Variants in ULK4 observed in about 807,000 individuals in gnomAD.
The protein encoded by ULK4 is inactive serine/threonine-protein kinase ULK4.
ULK4 carries 133 observed loss-of-function variants against 160.6 expected under a neutral mutation model. The observed-to-expected ratio is 0.83, with a 90% CI of 0.72 to 0.96. ULK4 has a LOEUF of 0.96. ULK4 is among the 40% of genes least tolerant of loss of function. ULK4 has a pLI of 0.00. For synonymous variants in ULK4, 534 were observed against 539.8 expected (o/e 0.99, Z 0.15); for missense variants, 1,580 against 1,499.5 (o/e 1.05, Z -0.89).
Position 41,281,815 on chromosome 3 carries a change from A to T in ULK4, c.3679-32241T>A, listed in dbSNP as rs182548854. Among the ~76,000 whole-genome samples, 633 of 152,374 alleles carry T rather than the reference A, an allele frequency of 4.2e-3. 3 individuals are homozygous for T. The highest frequency in any genetic ancestry group is 0.015 in the African/African-American group (604 of 41,582). On this transcript the variant is annotated intron_variant, in intron 35 of 36. Coordinates refer to ENST00000301831, the MANE Select transcript of ULK4 (RefSeq NM_017886.4). The stretch of plus-strand genomic sequence containing the variant: ...GTTCTGGCCAGGGAAATCAGGCAAG[A>T]GAAAGAAATAAAGGGTATTCAATTA...
At chr3:41,543,215 C>G (rs555818700) in intron 32 of ULK4, among the ~76,000 whole-genome samples, 7 of 152,206 alleles carry the variant, frequency 4.6e-5, no homozygotes, top group African/African-American at 1.7e-4. Flanking sequence ...TTCTGTGTCT[C>G]ATCATTATAG....
At chr3:41,626,987 G>A (rs898844588) in intron 30 of ULK4, among the ~76,000 whole-genome samples, 5 of 152,104 alleles carry the variant, frequency 3.3e-5, no homozygotes, top group African/African-American at 1.2e-4. Context: ...ATTACTAGCT[G>A]CAATTTAGGA....
chr3:41,667,895 C>T (rs1050889585), intron 29 of ULK4, among the ~76,000 whole-genome samples: 3 of 152,210 alleles, frequency 2.0e-5, no homozygotes, highest in African/African-American at 7.2e-5. Context: ...CAGTCCCCAA[C>T]TCTTAATTCT....
intron 18 of ULK4, among the ~76,000 whole-genome samples, chr3:41,826,092 T>C (rs2041338009): frequency 6.6e-6 from 1 of 152,114 alleles, no homozygotes; most frequent in South Asian, 2.1e-4. Context: ...TAAAATACTT[T>C]ACAGACAAAC....
At chr3:41,913,811 A>C (rs1249260195) in intron 8 of ULK4, among the ~76,000 whole-genome samples, 1 of 152,038 alleles carries the variant, frequency 6.6e-6, no homozygotes, top group African/African-American at 2.4e-5. Flanking sequence ...AAAAATACAA[A>C]AATTAGTTGG....
Position 41,926,338 on chromosome 3 carries a change from C to T in ULK4, c.541+5506G>A, listed in dbSNP as rs141919236. ...AGGACATCCACACAGAAACCCCATC[C>T]GAAGGTCACCAACATCAAACACCAA... On this transcript the variant is annotated intron_variant, in intron 5 of 36. Coordinates refer to ENST00000301831, the MANE Select transcript of ULK4 (RefSeq NM_017886.4). Among the ~76,000 whole-genome samples the T allele has an allele frequency of 5.6e-3, 852 of 152,230 alleles. 6 individuals are homozygous for T. The highest frequency in any genetic ancestry group is 0.019 in the African/African-American group (791 of 41,544).
At chr3:41,380,973 C>T (rs1252500381) in intron 35 of ULK4, among the ~76,000 whole-genome samples, 1 of 152,132 alleles carries the variant, frequency 6.6e-6, no homozygotes, top group Non-Finnish European at 1.5e-5. Context: ...CTCCTTGGTT[C>T]TCACTGCTGC....
At chr3:41,634,691 G>T (rs1346594498) in intron 30 of ULK4, among the ~76,000 whole-genome samples, 1 of 152,180 alleles carries the variant, frequency 6.6e-6, no homozygotes, top group Non-Finnish European at 1.5e-5. Context: ...AGCGATTTGG[G>T]TATAGTGTAG....
chr3:41,869,845 T>C (rs1467800936), intron 17 of ULK4, among the ~76,000 whole-genome samples: 1 of 152,248 alleles, frequency 6.6e-6, no homozygotes, highest in South Asian at 2.1e-4. Context: ...CAGGTTTATA[T>C]TTGCTCATTT....
At chr3:41,923,247 C>T (rs190548833) in intron 5 of ULK4, among the ~76,000 whole-genome samples, 13 of 151,568 alleles carry the variant, frequency 8.6e-5, no homozygotes, top group South Asian at 2.1e-4. Context: ...GTCTGTAATC[C>T]CAACACTTTG....
intron 32 of ULK4, among the ~76,000 whole-genome samples, chr3:41,480,206 C>CAAA (rs60805184): frequency 9.3e-5 from 9 of 97,182 alleles, no homozygotes; most frequent in Non-Finnish European, 1.5e-4. Context: ...GACTCCGTAT[C>CAAA]AAAAAAAAAA....
intron 20 of ULK4, among the ~76,000 whole-genome samples, chr3:41,794,893 A>G (rs2040259934): frequency 6.6e-6 from 1 of 152,086 alleles, no homozygotes; most frequent in Admixed American, 6.6e-5. Flanking sequence ...CCTGAGGCAG[A>G]AAAATACTTG....
rs182231834 is a variant in ULK4, at chr3:41,664,435, T to G, written c.2979-736A>C. ...ATGAGGGGTCACACGCAGCACACTC[T>G]TCCCCCAGCAATCAAAATGCAGCAC... On this transcript the variant is annotated intron_variant, in intron 29 of 36. Coordinates refer to ENST00000301831, the MANE Select transcript of ULK4 (RefSeq NM_017886.4). Among the ~76,000 whole-genome samples the G allele has an allele frequency of 2.6e-3, 389 of 152,314 alleles. 4 individuals carry two copies. The highest frequency in any genetic ancestry group is 9.1e-3 in the African/African-American group (378 of 41,560).
intron 32 of ULK4, among the ~76,000 whole-genome samples, chr3:41,529,073 T>A (rs1421688119): frequency 6.6e-6 from 1 of 152,226 alleles, no homozygotes; most frequent in African/African-American, 2.4e-5. Flanking sequence ...CCAAAGCGCA[T>A]CTTGAGAGAA....
chr3:41,269,795 T>C (rs927490372), intron 35 of ULK4, among the ~76,000 whole-genome samples: 1 of 152,162 alleles, frequency 6.6e-6, no homozygotes, highest in African/African-American at 2.4e-5. Context: ...TAAAGTTAAG[T>C]TACCTAATAA....
intron 31 of ULK4, among the ~76,000 whole-genome samples, chr3:41,581,192 T>C (rs925871500): frequency 1.3e-5 from 2 of 152,156 alleles, no homozygotes; most frequent in Non-Finnish European, 2.9e-5. Flanking sequence ...GAATCCTATA[T>C]ACCAGAATCT....
At chr3:41,468,540 CAG>C (rs2083892644) in intron 32 of ULK4, among the ~76,000 whole-genome samples, 1 of 152,164 alleles carries the variant, frequency 6.6e-6, no homozygotes, top group Non-Finnish European at 1.5e-5. Context: ...GCACGTTCCA[CAG>C]AAAGTTCTAT....
chr3:41,346,466 G>A (rs1198885521), intron 35 of ULK4, among the ~76,000 whole-genome samples: 2 of 152,148 alleles, frequency 1.3e-5, no homozygotes, highest in African/African-American at 4.8e-5. Context: ...TCTGCAGAAA[G>A]TGAGCTCGGC....
At chr3:41,745,839 T>G (rs2038400740) in intron 22 of ULK4, among the ~76,000 whole-genome samples, 1 of 151,584 alleles carries the variant, frequency 6.6e-6, no homozygotes, top group South Asian at 2.1e-4. Context: ...GGTATGCAAT[T>G]GCTGTAGAAT....
Sources: allele counts gnomAD v4.1 joint callset (sites outside exome capture counted in the v4.1 genomes callset), GRCh38; gene constraint gnomAD v4.1.1; transcripts MANE v1.5; gene names NCBI Gene and HGNC (gene_info 2026-07-23, HGNC 2026-07-21).